Variants in ERC2 observed in about 807,000 individuals in gnomAD.
ERC2 encodes the protein ERC protein 2.
A neutral mutation model predicts 114.8 loss-of-function variants in ERC2; 42 were observed. The observed-to-expected ratio is 0.37, with a 90% CI of 0.29 to 0.47. The LOEUF (loss-of-function observed/expected upper bound fraction) is 0.47, where lower values mean the gene tolerates loss of function less well. ERC2 is among the 20% of genes least tolerant of loss of function. The probability of loss-of-function intolerance (pLI) is 0.99; values close to 1 mark genes in which losing one functional copy is unlikely to be tolerated. For missense variants in ERC2, 939 were observed against 1,150.7 expected (o/e 0.82, Z 2.66); for synonymous variants, 454 against 425.5 (o/e 1.07, Z -0.82).
intron 3 of ERC2, among the ~76,000 whole-genome samples, chr3:56,273,042 A>T (rs2053758598): frequency 6.6e-6 from 1 of 152,194 alleles, no homozygotes; most frequent in South Asian, 2.1e-4. Context: ...ATCACAGCTG[A>T]TGAGATTCTT....
intron 2 of ERC2, among the ~76,000 whole-genome samples, chr3:56,401,379 C>T (rs1450575341): frequency 6.6e-6 from 1 of 152,202 alleles, no homozygotes; most frequent in Non-Finnish European, 1.5e-5. Context: ...TCCATCTCCC[C>T]ACATGTAAAC....
At chr3:56,125,576 G>C (rs1411865364) in intron 6 of ERC2, among the ~76,000 whole-genome samples, 1 of 152,084 alleles carries the variant, frequency 6.6e-6, no homozygotes, top group Non-Finnish European at 1.5e-5. Context: ...ATTGAAAAAA[G>C]ATTTCCGAAA....
At chr3:56,229,511 G>A (rs1478903864) in intron 3 of ERC2, among the ~76,000 whole-genome samples, 1 of 152,146 alleles carries the variant, frequency 6.6e-6, no homozygotes, top group Non-Finnish European at 1.5e-5. Flanking sequence ...TAAGAGCTAA[G>A]GGTTCTTAGA....
At chr3:56,441,506 GTGATTGATAAAGCTTTATAATATTT>G (rs1201660325) in intron 1 of ERC2, among the ~76,000 whole-genome samples, 2 of 152,144 alleles carry the variant, frequency 1.3e-5, no homozygotes, top group Non-Finnish European at 2.9e-5. Flanking sequence ...AATTAATATT[GTGATTGATAAAGCTTTATAATATTT>G]TGATTGATAA....
chr3:55,547,383 T>C (rs1321341814), intron 17 of ERC2, among the ~76,000 whole-genome samples: 1 of 152,270 alleles, frequency 6.6e-6, no homozygotes, highest in East Asian at 1.9e-4. Context: ...TTTTTTGTTC[T>C]GTTGCTGGGC....
chr3:56,455,969 C>G (rs1027256407), intron 1 of ERC2, among the ~76,000 whole-genome samples: 13 of 152,196 alleles, frequency 8.5e-5, no homozygotes, highest in African/African-American at 2.9e-4. Flanking sequence ...AAGACCCCCC[C>G]AGGACAGACA....
chr3:56,080,721 C>T (rs959576448), intron 7 of ERC2, 96 bp downstream of exon 7: 25 of 1,238,498 alleles, frequency 2.0e-5, no homozygotes, highest in Middle Eastern at 2.0e-4. Flanking sequence ...CCTAAAGATT[C>T]GTAAAAGATC....
intron 2 of ERC2, among the ~76,000 whole-genome samples, chr3:56,306,801 G>A (rs1410383195): frequency 1.3e-5 from 2 of 152,148 alleles, no homozygotes; most frequent in Non-Finnish European, 2.9e-5. Flanking sequence ...TCCAATCCCA[G>A]CCCTATCACT....
At chr3:55,726,046 CT>C (rs1452859165) in intron 15 of ERC2, among the ~76,000 whole-genome samples, 1 of 152,146 alleles carries the variant, frequency 6.6e-6, no homozygotes, top group African/African-American at 2.4e-5. Context: ...CTGAGTATTT[CT>C]TTTTTTATTA....
At chr3:55,858,291 C>T (rs1356475217) in intron 14 of ERC2, among the ~76,000 whole-genome samples, 9 of 152,126 alleles carry the variant, frequency 5.9e-5, no homozygotes, top group Non-Finnish European at 1.3e-4. Flanking sequence ...TGAGCTATAA[C>T]CCTGTTTATA....
At chr3:55,724,627 C>T (rs551199789) in intron 15 of ERC2, among the ~76,000 whole-genome samples, 14 of 152,222 alleles carry the variant, frequency 9.2e-5, no homozygotes, top group African/African-American at 2.9e-4. Context: ...TAGCCCAATG[C>T]CAAGTATACA....
At chr3:56,063,915 C>T (rs916618112) in intron 7 of ERC2, among the ~76,000 whole-genome samples, 7 of 152,254 alleles carry the variant, frequency 4.6e-5, no homozygotes, top group Admixed American at 2.0e-4. Context: ...TAAATATACT[C>T]ATAAATATAC....
At chr3:56,315,353 T>C (rs150944305) in intron 2 of ERC2, among the ~76,000 whole-genome samples, 1,562 of 152,320 alleles carry the variant, frequency 0.01, 10 homozygotes, top group Non-Finnish European at 0.016. Context: ...CATGTTATCA[T>C]TGAGTAAGTC....
At chr3:56,077,724 T>C (rs1454701036) in intron 7 of ERC2, among the ~76,000 whole-genome samples, 1 of 152,130 alleles carries the variant, frequency 6.6e-6, no homozygotes, top group Admixed American at 6.5e-5. Flanking sequence ...AAAAGTGAAA[T>C]TAAAAAAAGG....
intron 3 of ERC2, among the ~76,000 whole-genome samples, chr3:56,213,756 G>A (rs772686921): frequency 6.6e-5 from 10 of 152,192 alleles, no homozygotes; most frequent in Non-Finnish European, 1.3e-4. Context: ...GTAACTGGGA[G>A]GCACCCCCCA....
At chr3:55,666,112 T>C (rs1214769385) in intron 17 of ERC2, among the ~76,000 whole-genome samples, 1 of 152,196 alleles carries the variant, frequency 6.6e-6, no homozygotes, top group African/African-American at 2.4e-5. Flanking sequence ...CTAGGTTTTG[T>C]AGGGGAGGAA....
intron 3 of ERC2, among the ~76,000 whole-genome samples, chr3:56,228,415 A>G (rs2050390601): frequency 6.6e-6 from 1 of 152,180 alleles, no homozygotes; most frequent in Non-Finnish European, 1.5e-5. Context: ...TCCTGTCTCT[A>G]TGAATCTGAC....
At chr3:55,780,713 C>A (rs970007540) in intron 14 of ERC2, among the ~76,000 whole-genome samples, 3 of 152,176 alleles carry the variant, frequency 2.0e-5, no homozygotes, top group South Asian at 2.1e-4. Flanking sequence ...CTGTGGCACA[C>A]GCCAATATTA....
chr3:55,759,354 C>T (rs538568976), intron 14 of ERC2, among the ~76,000 whole-genome samples: 1 of 151,392 alleles, frequency 6.6e-6, no homozygotes, highest in Admixed American at 6.6e-5. Flanking sequence ...TTAAATCACT[C>T]GGGTTTCACT....
Sources: allele counts gnomAD v4.1 joint callset (sites outside exome capture counted in the v4.1 genomes callset), GRCh38; gene constraint gnomAD v4.1.1; transcripts MANE v1.5; gene names NCBI Gene and HGNC (gene_info 2026-07-23, HGNC 2026-07-21).